The following KCNB2 variants were observed in gnomAD, a reference collection of about 807,000 sequenced individuals.
KCNB2 encodes the protein potassium voltage-gated channel subfamily B member 2, also known as delayed rectifier potassium channel protein.
KCNB2 carries 15 observed loss-of-function variants against 61.5 expected under a neutral mutation model. The observed-to-expected ratio is 0.24, with a 90% CI of 0.16 to 0.38. The LOEUF (loss-of-function observed/expected upper bound fraction) is 0.38. KCNB2 is among the 10% of genes least tolerant of loss of function. The pLI is 1.00. For missense variants in KCNB2, 828 were observed against 1,125.2 expected (o/e 0.74, Z 3.78); for synonymous variants, 457 against 446.0 (o/e 1.02, Z -0.31).
rs117607689 is a variant in KCNB2, at chr8:72,586,384, T to A, written c.579+18071T>A. ...AAAAGCCCTAAGATGATTGGATTAG[T>A]TCACCAAAAAGACAACAAAATTTAT... is the stretch of plus-strand genomic sequence containing the variant. On this transcript the variant is annotated intron_variant, in intron 2 of 2. Coordinates refer to ENST00000523207, the MANE Select transcript of KCNB2 (RefSeq NM_004770.3). Among the ~76,000 whole-genome samples, 783 of 152,326 alleles carry A rather than the reference T, an allele frequency of 5.1e-3. 5 individuals carry two copies. Among genetic ancestry groups the A allele is most frequent in the Non-Finnish European group, 9.0e-3 (613 of 68,028 alleles).
chr8:72,597,337 GT>G (rs1178281316), intron 2 of KCNB2, among the ~76,000 whole-genome samples: 4 of 152,042 alleles, frequency 2.6e-5, no homozygotes, highest in Non-Finnish European at 5.9e-5. Flanking sequence ...CCTGGCCCAT[GT>G]TTTCCCTTTT....
chr8:72,905,075 C>T (rs1806153685), intron 2 of KCNB2, among the ~76,000 whole-genome samples: 1 of 152,260 alleles, frequency 6.6e-6, no homozygotes, highest in East Asian at 1.9e-4. Context: ...GTACTGACTT[C>T]ACCTTCAGTG....
At chr8:72,581,920 G>A (rs1019589100) in intron 2 of KCNB2, among the ~76,000 whole-genome samples, 2 of 152,188 alleles carry the variant, frequency 1.3e-5, no homozygotes, top group Non-Finnish European at 2.9e-5. Flanking sequence ...TAGCCTTTGT[G>A]TGGAGGAGAG....
chr8:72,715,069 A>G (rs1047198749), intron 2 of KCNB2, among the ~76,000 whole-genome samples: 5 of 152,354 alleles, frequency 3.3e-5, no homozygotes, highest in East Asian at 1.9e-4. Flanking sequence ...AAAGAAGGCC[A>G]TTACATAATG....
At chr8:72,717,062 A>T (rs1349265061) in intron 2 of KCNB2, among the ~76,000 whole-genome samples, 3 of 152,094 alleles carry the variant, frequency 2.0e-5, no homozygotes, top group Non-Finnish European at 4.4e-5. Context: ...TCCCATTCAC[A>T]ATTGCTTCAA....
chr8:72,553,188 A>G (rs1343359473), intron 1 of KCNB2, among the ~76,000 whole-genome samples: 1 of 152,152 alleles, frequency 6.6e-6, no homozygotes, highest in Non-Finnish European at 1.5e-5. Context: ...GATCAGATAT[A>G]ATAATTTCAA....
chr8:72,631,988 A>G (rs919568961), intron 2 of KCNB2, among the ~76,000 whole-genome samples: 1 of 152,076 alleles, frequency 6.6e-6, no homozygotes, highest in East Asian at 1.9e-4. Context: ...TGTAATCTCA[A>G]CACTTGGGGA....
At chr8:72,591,299 A>G (rs1197217492) in intron 2 of KCNB2, among the ~76,000 whole-genome samples, 1 of 152,168 alleles carries the variant, frequency 6.6e-6, no homozygotes, top group Non-Finnish European at 1.5e-5. Flanking sequence ...CTATAGTCAG[A>G]CACTGATCTG....
At chr8:72,770,066 C>T (rs1331697878) in intron 2 of KCNB2, among the ~76,000 whole-genome samples, 1 of 152,160 alleles carries the variant, frequency 6.6e-6, no homozygotes, top group Non-Finnish European at 1.5e-5. Context: ...GAGTCAGTCC[C>T]CATATTAGTT....
intron 2 of KCNB2, among the ~76,000 whole-genome samples, chr8:72,738,994 T>C (rs184702466): frequency 9.2e-5 from 14 of 152,318 alleles, no homozygotes; most frequent in African/African-American, 2.9e-4. Context: ...TTTATTAGGA[T>C]TAAAAGATTC....
chr8:72,610,579 T>C (rs1201820805), intron 2 of KCNB2, among the ~76,000 whole-genome samples: 1 of 152,120 alleles, frequency 6.6e-6, no homozygotes, highest in Non-Finnish European at 1.5e-5. Context: ...ACCAAAAAAA[T>C]AGATAGCACT....
chr8:72,625,717 C>CA (rs1325131948), intron 2 of KCNB2, among the ~76,000 whole-genome samples: 5 of 152,112 alleles, frequency 3.3e-5, no homozygotes, highest in African/African-American at 4.8e-5. Flanking sequence ...GGGCATGAGC[C>CA]ACTGCACCCA....
chr8:72,887,538 C>T (rs757066246), intron 2 of KCNB2, among the ~76,000 whole-genome samples: 12 of 152,130 alleles, frequency 7.9e-5, no homozygotes, highest in Non-Finnish European at 1.2e-4. Flanking sequence ...AGGAAGAGGG[C>T]TTCTGACCAA....
intron 2 of KCNB2, among the ~76,000 whole-genome samples, chr8:72,706,862 A>G (rs1032679176): frequency 2.0e-5 from 3 of 152,218 alleles, no homozygotes; most frequent in African/African-American, 7.2e-5. Flanking sequence ...ACCTACCCAC[A>G]GTCCCAGTCT....
intron 2 of KCNB2, among the ~76,000 whole-genome samples, chr8:72,910,740 G>A (rs1806273593): frequency 6.6e-6 from 1 of 152,210 alleles, no homozygotes; most frequent in Non-Finnish European, 1.5e-5. Context: ...CAGGTTGAGA[G>A]AAGTTGCCAG....
chr8:72,733,488 C>A (rs1585859638), intron 2 of KCNB2, among the ~76,000 whole-genome samples: 1 of 152,094 alleles, frequency 6.6e-6, no homozygotes, highest in East Asian at 1.9e-4. Context: ...TCTACTCTAC[C>A]ACTAATTAAA....
chr8:72,810,421 C>G (rs1809288438), intron 2 of KCNB2, among the ~76,000 whole-genome samples: 3 of 152,244 alleles, frequency 2.0e-5, no homozygotes, highest in African/African-American at 7.2e-5. Context: ...GCAGGCTCTG[C>G]TGTGGTGGAG....
intron 1 of KCNB2, among the ~76,000 whole-genome samples, chr8:72,552,881 T>C (rs1806366449): frequency 6.6e-6 from 1 of 152,166 alleles, no homozygotes; most frequent in South Asian, 2.1e-4. Flanking sequence ...GATTTTTTTT[T>C]TGTACCCTCC....
chr8:72,554,432 TA>T (rs1563521250), intron 1 of KCNB2, among the ~76,000 whole-genome samples: 2 of 152,134 alleles, frequency 1.3e-5, no homozygotes. Flanking sequence ...TCATTAATAA[TA>T]AGGTTCAACT....
Sources: allele counts gnomAD v4.1 joint callset (sites outside exome capture counted in the v4.1 genomes callset), GRCh38; gene constraint gnomAD v4.1.1; transcripts MANE v1.5; gene names NCBI Gene and HGNC (gene_info 2026-07-23, HGNC 2026-07-21).